BRD10: variants seen among roughly 807,000 people sequenced by gnomAD.
BRD10 encodes the protein uncharacterized bromodomain-containing protein 10.
chr9:5,968,655 A>G, the BRD10 span: 1 of 1,613,890 alleles, frequency 6.2e-7, no homozygotes, highest in Non-Finnish European at 8.5e-7. Flanking sequence ...TCTCTGCTAC[A>G]TCTATGTTCT....
At chr9:5,911,542 CT>C in the BRD10 span, among the ~76,000 whole-genome samples, 135 of 132,876 alleles carry the variant, frequency 1.0e-3, no homozygotes, top group Non-Finnish European at 1.1e-3. Context: ...CTTTTCTTTT[CT>C]TTTTTTTTTT....
the BRD10 span, among the ~76,000 whole-genome samples, chr9:5,925,129 T>A: frequency 6.6e-6 from 1 of 151,910 alleles, no homozygotes; most frequent in East Asian, 1.9e-4. Context: ...GAGGCCGAGG[T>A]AGGCAGACCT....
At chr9:5,901,012 G>A in the BRD10 span, among the ~76,000 whole-genome samples, 1 of 152,056 alleles carries the variant, frequency 6.6e-6, no homozygotes, top group African/African-American at 2.4e-5. Context: ...ATCATCTCTG[G>A]TGGTGGGATT....
the BRD10 span, among the ~76,000 whole-genome samples, chr9:5,947,357 T>C: frequency 6.6e-6 from 1 of 152,164 alleles, no homozygotes; most frequent in African/African-American, 2.4e-5. Context: ...ACTAAATGAC[T>C]ATGAATTATA....
At chr9:5,924,813 C>G in the BRD10 span, 2 of 1,535,080 alleles carry the variant, frequency 1.3e-6, no homozygotes, top group Non-Finnish European at 1.8e-6. Flanking sequence ...AGGTTGTCTT[C>G]TGAAATCATC....
At chr9:5,983,985 ACAC>A in the BRD10 span, among the ~76,000 whole-genome samples, 1 of 151,334 alleles carries the variant, frequency 6.6e-6, no homozygotes, top group Non-Finnish European at 1.5e-5. Context: ...ACACACACAC[ACAC>A]ACACACACAC....
At chr9:5,971,483 T>C in the BRD10 span, among the ~76,000 whole-genome samples, 1 of 152,224 alleles carries the variant, frequency 6.6e-6, no homozygotes, top group Non-Finnish European at 1.5e-5. Flanking sequence ...TGACACTGGC[T>C]ATTTTTCTAT....
At chr9:5,934,300 G>A in the BRD10 span, among the ~76,000 whole-genome samples, 10 of 150,620 alleles carry the variant, frequency 6.6e-5, 1 homozygote, top group African/African-American at 2.4e-4. Flanking sequence ...TTTAATTCTT[G>A]TCACAGACAT....
the BRD10 span, among the ~76,000 whole-genome samples, chr9:6,003,920 C>T: frequency 6.6e-6 from 1 of 152,210 alleles, no homozygotes; most frequent in Non-Finnish European, 1.5e-5. Flanking sequence ...CCCAGTGGGT[C>T]ATCCTGTCTA....
chr9:5,984,000 CA>C, the BRD10 span, among the ~76,000 whole-genome samples: 1 of 151,218 alleles, frequency 6.6e-6, no homozygotes, highest in South Asian at 2.1e-4. Flanking sequence ...CACACACACA[CA>C]CACACCCCTC....
the BRD10 span, among the ~76,000 whole-genome samples, chr9:5,995,258 T>G: frequency 6.6e-6 from 1 of 152,202 alleles, no homozygotes; most frequent in Non-Finnish European, 1.5e-5. Flanking sequence ...TGACTGCCCA[T>G]AACTTATTTC....
At chr9:5,953,848 T>C in the BRD10 span, among the ~76,000 whole-genome samples, 1 of 152,134 alleles carries the variant, frequency 6.6e-6, no homozygotes, top group African/African-American at 2.4e-5. Flanking sequence ...TACTAGCAGA[T>C]TAAATCTTGG....
At chr9:5,930,388 T>TATATATATATATATATATATAG in the BRD10 span, among the ~76,000 whole-genome samples, 1 of 149,156 alleles carries the variant, frequency 6.7e-6, no homozygotes, top group Non-Finnish European at 1.5e-5. Context: ...TATATATATA[T>TATATATATATATATATATATAG]ATATATGACC....
the BRD10 span, among the ~76,000 whole-genome samples, chr9:5,898,651 A>G: frequency 0.01 from 1,574 of 152,216 alleles, 26 homozygotes; most frequent in African/African-American, 0.031. Flanking sequence ...CCTTATAGCA[A>G]ACAGGAGTAT....
At chr9:5,995,065 A>T in the BRD10 span, among the ~76,000 whole-genome samples, 1 of 152,028 alleles carries the variant, frequency 6.6e-6, no homozygotes, top group African/African-American at 2.4e-5. Context: ...ACGCCCGGCT[A>T]ATTTTCAGCA....
the BRD10 span, among the ~76,000 whole-genome samples, chr9:5,902,700 TCTCA>T: frequency 6.6e-6 from 1 of 151,040 alleles, no homozygotes; most frequent in Non-Finnish European, 1.5e-5. Context: ...AGAGACAGAG[TCTCA>T]CTATGTTGCT....
the BRD10 span, among the ~76,000 whole-genome samples, chr9:5,930,851 A>G: frequency 6.6e-6 from 1 of 152,252 alleles, no homozygotes; most frequent in East Asian, 1.9e-4. Flanking sequence ...CATGAACACA[A>G]AACTATTAAA....
chr9:5,879,428 G>C, the BRD10 span, among the ~76,000 whole-genome samples: 1 of 152,142 alleles, frequency 6.6e-6, no homozygotes, highest in African/African-American at 2.4e-5. Flanking sequence ...AAGCCTGATG[G>C]GAGTTGCAGC....
the BRD10 span, among the ~76,000 whole-genome samples, chr9:5,898,530 A>C: frequency 6.6e-6 from 1 of 152,136 alleles, no homozygotes; most frequent in Non-Finnish European, 1.5e-5. Context: ...ACACATTCAA[A>C]CTATAGCACC....
Sources: gnomAD v4.1 joint callset for allele counts (sites outside exome capture counted in the v4.1 genomes callset) on GRCh38, gnomAD v4.1.1 for gene constraint, MANE v1.5 for transcripts, NCBI Gene and HGNC (gene_info 2026-07-23, HGNC 2026-07-21) for gene names.